Variants in TUBGCP6 observed in about 807,000 individuals in gnomAD.
TUBGCP6 encodes tubulin gamma complex component 6.
Under a neutral mutation model 175.8 loss-of-function variants are expected in TUBGCP6, and 161 were observed. That is an observed-to-expected ratio of 0.92 (90% CI 0.81 to 1.04). The LOEUF (loss-of-function observed/expected upper bound fraction) is 1.04, where lower values mean the gene tolerates loss of function less well. Among genes scored for constraint, TUBGCP6 ranks in the 50% least tolerant of loss-of-function variants. The probability of loss-of-function intolerance (pLI) is 0.00; values close to 1 mark genes in which losing one functional copy is unlikely to be tolerated. For missense variants in TUBGCP6, 2,572 were observed against 2,433.0 expected (o/e 1.06, Z -1.20); for synonymous variants, 1,173 against 1,030.5 (o/e 1.14, Z -2.65).
chr22:50,218,416 G>C lies in TUBGCP6; in HGVS notation c.4955-14C>G, dbSNP rs1569108077. 6.2e-7 allele frequency: 1 copy of C among 1,612,946 alleles called. No individual in the cohort carries two copies. The highest frequency in any genetic ancestry group is 8.5e-7 in the Non-Finnish European group (1 of 1,179,870). On this transcript the variant is annotated splice_polypyrimidine_tract_variant and intron_variant, in intron 22 of 24. Coordinates refer to ENST00000248846, the MANE Select transcript of TUBGCP6 (RefSeq NM_020461.4). ...GGCTCAGCAGGGCTGGCGGAGGGCAGAAGGCAGAGGGCAGAGGTGAGCGCA... is the reference window on the plus strand; with the variant it reads ...GGCTCAGCAGGGCTGGCGGAGGGCACAAGGCAGAGGGCAGAGGTGAGCGCA...
At chr22:50,234,451 AGG>A (rs2147203273) in intron 2 of TUBGCP6, among the ~76,000 whole-genome samples, 1 of 19,080 alleles carries the variant, frequency 5.2e-5, no homozygotes, top group East Asian at 2.2e-3. Flanking sequence ...ATCCACATCC[AGG>A]TCCACAGCAG....
Position 50,233,381 on chromosome 22 carries a change from C to G in TUBGCP6, c.1051G>C (p.Glu351Gln). The stretch of plus-strand genomic sequence containing the variant: ...ACGTTCAGCACGTCTTTCACCAGCT[C>G]GCACTCCTTCACCAGCACGGGCTGC... ...APQPVLVKEC[E>Q]LVKDVLNVLI... The change falls in exon 3 of 25, where the codon GAG becomes CAG. Residue 351 changes from glutamate to glutamine, a missense_variant. Physicochemically the swap from Glu to Gln is conservative, Grantham distance 29. Transcript: ENST00000248846. 1.2e-6 allele frequency: 2 copies of G among 1,614,032 alleles called. No homozygotes were observed. The highest frequency in any genetic ancestry group is 1.7e-6 in the Non-Finnish European group (2 of 1,179,966).
intron 1 of TUBGCP6, among the ~76,000 whole-genome samples, chr22:50,241,089 T>C (rs560791943): frequency 1.3e-5 from 2 of 152,372 alleles, no homozygotes; most frequent in African/African-American, 4.8e-5. Flanking sequence ...ATCATAAATA[T>C]GATTATATAT....
intron 5 of TUBGCP6, 65 bp downstream of exon 5, chr22:50,227,842 A>G (rs1411475248): frequency 1.3e-6 from 2 of 1,542,930 alleles, no homozygotes; most frequent in Non-Finnish European, 1.7e-6. Context: ...CAAACCCTCC[A>G]CCACCCAGCA....
At position 50,244,613 on chromosome 22, in the gene TUBGCP6, G is replaced by A. The variant is rs908534174; in HGVS notation, c.-154C>T. On this transcript the variant is annotated 5_prime_UTR_variant, in exon 1 of 25. Transcript: ENST00000248846. ...AAGCTCAGAACTGGTATTTTTTAAA[G>A]GAGGTCTTGCGGTTGCTCTACTCAG... The A allele has an allele frequency of 2.3e-6, 3 of 1,299,788 alleles. No individual in the cohort carries two copies. The highest frequency in any genetic ancestry group is 3.0e-5 in the African/African-American group (2 of 66,892). The allele number at this position is 1,299,788 out of a possible 1,614,324, so 80.5% of individuals were successfully genotyped here.
intron 10 of TUBGCP6, among the ~76,000 whole-genome samples, chr22:50,224,913 CCT>C (rs1181757779): frequency 1.3e-5 from 2 of 152,050 alleles, no homozygotes; most frequent in African/African-American, 4.8e-5. Context: ...ACAGTGAGAC[CCT>C]GTCTCAAAGA....
intron 3 of TUBGCP6, among the ~76,000 whole-genome samples, chr22:50,233,017 G>A (rs951482269): frequency 1.2e-4 from 19 of 152,352 alleles, no homozygotes; most frequent in African/African-American, 3.8e-4. Flanking sequence ...CTCGGAAGGC[G>A]CCTGGCACTT....
intron 3 of TUBGCP6, among the ~76,000 whole-genome samples, chr22:50,230,989 G>A (rs1237145573): frequency 6.7e-6 from 1 of 149,184 alleles, no homozygotes; most frequent in African/African-American, 2.5e-5. Context: ...GGCTGAGGCA[G>A]GAGAATTGCT....
chr22:50,243,085 C>A (rs978028013), intron 1 of TUBGCP6, among the ~76,000 whole-genome samples: 8 of 152,242 alleles, frequency 5.3e-5, no homozygotes, highest in African/African-American at 1.9e-4. Context: ...GAGGCCGAGA[C>A]GGGTGGATCA....
chr22:50,244,050 T>C lies in TUBGCP6; in HGVS notation c.410A>G (p.Lys137Arg), dbSNP rs1413316301. 13 of 1,613,930 alleles carry C rather than the reference T, an allele frequency of 8.1e-6. No individual in the cohort carries two copies. Among genetic ancestry groups the C allele is most frequent in the South Asian group, 1.1e-5 (1 of 91,084 alleles). The change falls in exon 1 of 25, where the codon AAG becomes AGG. Residue 137 changes from lysine (K) to arginine (R), a missense_variant. By Grantham distance (26) the Lys-to-Arg change is conservative. Coordinates refer to ENST00000248846, the MANE Select transcript of TUBGCP6 (RefSeq NM_020461.4). ...GTACGGAACGTTTCTCCCCACATGC[T>C]TGTTGTTAAGGAAGTAGTCTCGTTT... ...PRKRDYFLNN[K>R]HVGRNVPYSG...
At chr22:50,238,454 T>C (rs2064802612) in intron 2 of TUBGCP6, among the ~76,000 whole-genome samples, 1 of 135,586 alleles carries the variant, frequency 7.4e-6, no homozygotes, top group African/African-American at 2.9e-5. Context: ...CCTCAATAAA[T>C]AAATAAATAC....
rs1031811106 is a variant in TUBGCP6, at chr22:50,231,631, G to A, written c.1116+1685C>T. Among the ~76,000 whole-genome samples the A allele has an allele frequency of 4.0e-5, 6 of 151,816 alleles. No homozygotes were observed. In the East Asian group the frequency reaches 7.8e-4, roughly 20 times the overall value. ...TCCCAGCACTTTGGGAGGCCGAGAC[G>A]GGCGGATCACAATGTCAGGAGATCA... is the stretch of plus-strand genomic sequence containing the variant. On this transcript the variant is annotated intron_variant, in intron 3 of 24. Coordinates refer to ENST00000248846, the MANE Select transcript of TUBGCP6 (RefSeq NM_020461.4).
chr22:50,219,761 G>C lies in TUBGCP6; in HGVS notation c.4198C>G (p.Arg1400Gly). ...EDTAAQSSPG[R>G]GEEAEASAAE... The stretch of plus-strand genomic sequence containing the variant: ...GCCGATGCCTCCGCCTCCTCACCAC[G>C]GCCTGGGCTGCTCTGGGCAGCTGTG... The change falls in exon 18 of 25, where the codon CGT becomes GGT. Residue 1400 changes from arginine (R) to glycine (G), a missense_variant. By Grantham distance (125) the Arg-to-Gly change is moderately radical. Coordinates refer to ENST00000248846, the MANE Select transcript of TUBGCP6 (RefSeq NM_020461.4). 1.2e-6 allele frequency: 2 copies of C among 1,613,676 alleles called. No individual in the cohort carries two copies. The highest frequency in any genetic ancestry group is 1.7e-6 in the Non-Finnish European group (2 of 1,179,930).
chr22:50,222,302 T>C, intron 14 of TUBGCP6, 152 bp downstream of exon 14: 1 of 1,296,998 alleles, frequency 7.7e-7, no homozygotes, highest in Non-Finnish European at 1.1e-6. Flanking sequence ...CTGTGCAATT[T>C]GGTGGCACAC....
At chr22:50,232,365 CAAAAA>C (rs765363119) in intron 3 of TUBGCP6, among the ~76,000 whole-genome samples, 70 of 94,960 alleles carry the variant, frequency 7.4e-4, no homozygotes, top group African/African-American at 2.8e-3. Flanking sequence ...GACTCTGTCT[CAAAAA>C]AAAAAAAGAA....
In TUBGCP6 at chr22:50,226,103, C is replaced by T. The variant is rs1392049164; in HGVS notation, c.1780G>A (p.Asp594Asn). The change falls in exon 9 of 25, where the codon GAC (aspartate) becomes AAC (asparagine). Residue 594 changes from aspartate to asparagine, a missense_variant. Transcript: ENST00000248846. ...ATGGTCTTTCCGCAGACGTATATGTCGTGGGCAATGTGCTTCAGAAACACG... is the reference window on the plus strand; with the variant it reads ...ATGGTCTTTCCGCAGACGTATATGTTGTGGGCAATGTGCTTCAGAAACACG... ...VPVFLKHIAH[D>N]IYVCGKTINL... 1.9e-6 allele frequency: 3 copies of T among 1,614,036 alleles called. No homozygotes were observed. The highest frequency in any genetic ancestry group is 1.3e-5 in the African/African-American group (1 of 74,904).
chr22:50,219,638 A>T lies in TUBGCP6; in HGVS notation c.4315+6T>A, dbSNP rs772891181. ...GCTCCCTGCCAACAGCAACTGCTGCACTCACACATGGACTCGTAACTGTCC... is the reference window on the plus strand; with the variant it reads ...GCTCCCTGCCAACAGCAACTGCTGCTCTCACACATGGACTCGTAACTGTCC... On this transcript the variant is annotated splice_donor_region_variant and intron_variant, in intron 18 of 24. Coordinates refer to ENST00000248846, the MANE Select transcript of TUBGCP6 (RefSeq NM_020461.4). 11 of 1,612,512 alleles carry T rather than the reference A, an allele frequency of 6.8e-6. No homozygotes were observed. In the East Asian group the frequency reaches 2.2e-4, roughly 33 times the overall value.
chr22:50,226,587 G>A (rs76844147), intron 7 of TUBGCP6, 146 bp downstream of exon 7: 1 of 610,748 alleles, frequency 1.6e-6, no homozygotes, highest in Admixed American at 3.0e-5. Flanking sequence ...AGGGTGGGGG[G>A]TTGGGGGCTC....
intron 2 of TUBGCP6, among the ~76,000 whole-genome samples, chr22:50,239,516 A>G (rs1048471885): frequency 3.9e-5 from 6 of 152,156 alleles, no homozygotes; most frequent in African/African-American, 1.4e-4. Context: ...GAGTTATCAA[A>G]AGATACCACC....
Sources: allele counts gnomAD v4.1 joint callset (sites outside exome capture counted in the v4.1 genomes callset), GRCh38; gene constraint gnomAD v4.1.1; transcripts MANE v1.5; gene names NCBI Gene and HGNC (gene_info 2026-07-23, HGNC 2026-07-21).